Variants in DPP8 observed in about 807,000 individuals in gnomAD.
DPP8 encodes DPP VIII.
A neutral mutation model predicts 107.5 loss-of-function variants in DPP8; 31 were observed. The observed-to-expected ratio is 0.29, with a 90% CI of 0.22 to 0.39. DPP8 has a LOEUF of 0.39. DPP8 is among the 10% of genes least tolerant of loss of function. The probability of loss-of-function intolerance (pLI) is 1.00; values close to 1 mark genes in which losing one functional copy is unlikely to be tolerated. For missense variants in DPP8, 842 were observed against 1,076.1 expected, an observed-to-expected ratio of 0.78 and a Z score of 3.04; for synonymous variants, 381 against 356.6, an observed-to-expected ratio of 1.07 and a Z score of -0.77.
intron 16 of DPP8, 102 bp downstream of exon 16, chr15:65,456,123 T>C (rs1209024907): frequency 3.7e-6 from 5 of 1,345,740 alleles, no homozygotes; most frequent in East Asian, 2.3e-5. Flanking sequence ...CACTCACTCA[T>C]TCATAGCCCC....
chr15:65,452,169 A>G, intron 17 of DPP8, 67 bp from the exon 18 acceptor site: 1 of 1,517,876 alleles, frequency 6.6e-7, no homozygotes, highest in Non-Finnish European at 8.9e-7. Context: ...GTGAGATCTT[A>G]CAACTGCAAA....
At chr15:65,500,552 A>G (rs2069109823) in intron 4 of DPP8, 54 bp downstream of exon 4, 3 of 1,435,424 alleles carry the variant, frequency 2.1e-6, no homozygotes. Context: ...TGCTTTGGGT[A>G]CAAATAACCT....
intron 16 of DPP8, among the ~76,000 whole-genome samples, chr15:65,454,873 C>T (rs2064278865): frequency 6.6e-6 from 1 of 152,056 alleles, no homozygotes; most frequent in South Asian, 2.1e-4. Context: ...GATTCTGTTG[C>T]CCCCTCTCCC....
At chr15:65,470,195 CAAAAAAAAAAAAA>C (rs11310623) in intron 12 of DPP8, among the ~76,000 whole-genome samples, 2 of 58,500 alleles carry the variant, frequency 3.4e-5, no homozygotes, top group East Asian at 5.1e-4. Flanking sequence ...ACTCTTGTCT[CAAAAAAAAAAAAA>C]AAAAAAAAAA....
At chr15:65,474,664 G>T (rs573395155) in intron 11 of DPP8, among the ~76,000 whole-genome samples, 86 of 152,294 alleles carry the variant, frequency 5.6e-4, no homozygotes, top group African/African-American at 1.9e-3. Context: ...TAGCAATGAG[G>T]TCTCACTATA....
chr15:65,515,599 G>A, intron 1 of DPP8: 7 of 1,458,154 alleles, frequency 4.8e-6, no homozygotes, highest in East Asian at 2.3e-5. Context: ...TCAGCACAGT[G>A]CATATATTTC....
chr15:65,495,092 C>G (rs2068448341), intron 5 of DPP8, among the ~76,000 whole-genome samples: 1 of 152,170 alleles, frequency 6.6e-6, no homozygotes, highest in African/African-American at 2.4e-5. Context: ...ATCTGCCAAT[C>G]TTTTGCTACT....
At chr15:65,479,734 C>T (rs1174379538) in intron 10 of DPP8, among the ~76,000 whole-genome samples, 1 of 151,176 alleles carries the variant, frequency 6.6e-6, no homozygotes, top group East Asian at 1.9e-4. Flanking sequence ...GTCCCAGCTA[C>T]TCGGGAGGCT....
Position 65,447,018 on chromosome 15 carries a change from CA to C in DPP8, c.2527-13del. 6.8e-7 allele frequency: 1 copy of C among 1,463,002 alleles called. No homozygotes were observed. The highest frequency in any genetic ancestry group is 1.4e-5 in the South Asian group (1 of 69,476). 90.6% of individuals were successfully genotyped at this position (1,463,002 alleles called of 1,614,324 possible). On this transcript the variant is annotated splice_polypyrimidine_tract_variant and intron_variant, in intron 19 of 19. Transcript: ENST00000300141. ...TCCTGAGGATAGATCTTACCAACAA[CA>C]AAAAATAAAGATACAAAAAAAAAAA...
rs1419356437 is a variant in DPP8, at chr15:65,448,876, A to G, written c.2527-1870T>C. ...ACATATATATCTAAAATATATATAT[A>G]TATATATATATATATATATATATAT... On this transcript the variant is annotated intron_variant, in intron 19 of 19. Coordinates refer to ENST00000300141, the MANE Select transcript of DPP8 (RefSeq NM_130434.5). Among the ~76,000 whole-genome samples the G allele has an allele frequency of 3.2e-3, 97 of 30,478 alleles. 1 individual carries two copies. Among genetic ancestry groups the G allele is most frequent in the South Asian group, 0.012 (17 of 1,434 alleles). The allele number at this position is 30,478 out of a possible 152,430, so 20.0% of individuals were successfully genotyped here. A position where few individuals can be genotyped will look rare whatever the true frequency, so the allele number is the denominator to read the frequency against.
chr15:65,459,831 TG>T, intron 15 of DPP8, among the ~76,000 whole-genome samples: 1 of 152,098 alleles, frequency 6.6e-6, no homozygotes, highest in Non-Finnish European at 1.5e-5. Context: ...GCTGCGCACC[TG>T]TAGTCCCAAC....
chr15:65,453,297 G>A (rs1347996041), intron 17 of DPP8, among the ~76,000 whole-genome samples: 1 of 152,112 alleles, frequency 6.6e-6, no homozygotes, highest in East Asian at 1.9e-4. Context: ...AAGTAATTAC[G>A]ATCCATCAGG....
At chr15:65,457,081 G>A (rs912695288) in intron 15 of DPP8, among the ~76,000 whole-genome samples, 7 of 152,184 alleles carry the variant, frequency 4.6e-5, no homozygotes, top group Admixed American at 2.6e-4. Flanking sequence ...TGGGCTGAGC[G>A]TGGTGGTTCA....
At chr15:65,471,009 C>G (rs991740921) in intron 12 of DPP8, among the ~76,000 whole-genome samples, 1 of 151,146 alleles carries the variant, frequency 6.6e-6, no homozygotes, top group East Asian at 1.9e-4. Context: ...AACTGATAAA[C>G]GTAGTGGCAA....
intron 16 of DPP8, among the ~76,000 whole-genome samples, chr15:65,454,754 A>C (rs1436073547): frequency 6.6e-6 from 1 of 152,144 alleles, no homozygotes; most frequent in African/African-American, 2.4e-5. Flanking sequence ...CGAACTCCTG[A>C]CCTCAAGTGA....
Position 65,500,750 on chromosome 15 carries a change from T to G in DPP8, c.402A>C (p.Arg134=). The G allele has an allele frequency of 6.2e-7, 1 of 1,614,062 alleles. No individual in the cohort carries two copies. Among genetic ancestry groups the G allele is most frequent in the Non-Finnish European group, 8.5e-7 (1 of 1,179,960 alleles). ...TTCTTTCTCTTAATAGTTCTTCTTCTCGAGAATACATTCCATAGTCCAGTG... is the reference window on the plus strand; with the variant it reads ...TTCTTTCTCTTAATAGTTCTTCTTCGCGAGAATACATTCCATAGTCCAGTG... ...QATLDYGMYS[R]EEELLRERKR... The change falls in exon 4 of 20, where the codon CGA becomes CGC. Residue 134 remains arginine, a synonymous_variant. Coordinates refer to ENST00000300141, the MANE Select transcript of DPP8 (RefSeq NM_130434.5).
chr15:65,515,956 T>G (rs570266621), intron 1 of DPP8: 1 of 477,786 alleles, frequency 2.1e-6, no homozygotes, highest in Non-Finnish European at 3.6e-6. Flanking sequence ...TTTTATGTTA[T>G]CAGAATTCAA....
In DPP8 at chr15:65,500,826, C is replaced by A. The variant is rs199943145; in HGVS notation, c.373-47G>T. 362 of 1,339,312 alleles carry A rather than the reference C, an allele frequency of 2.7e-4. 2 individuals carry two copies. In the East Asian group the frequency reaches 7.6e-3, roughly 28 times the overall value. 83.0% of individuals were successfully genotyped at this position (1,339,312 alleles called of 1,614,324 possible). ...CTATTCCAGTCTTCTGAAAAACCAT[C>A]TTTTGCTTTTAGCACTGAAATCCTA... On this transcript the variant is annotated intron_variant, in intron 3 of 19. Coordinates refer to ENST00000300141, the MANE Select transcript of DPP8 (RefSeq NM_130434.5).
chr15:65,513,315 G>A (rs1025459079), intron 1 of DPP8, among the ~76,000 whole-genome samples: 1 of 151,926 alleles, frequency 6.6e-6, no homozygotes, highest in Admixed American at 6.6e-5. Flanking sequence ...CCAGGTTCAC[G>A]CCATTCTCTG....
Sources: gnomAD v4.1 joint callset for allele counts (sites outside exome capture counted in the v4.1 genomes callset) on GRCh38, gnomAD v4.1.1 for gene constraint, MANE v1.5 for transcripts, NCBI Gene and HGNC (gene_info 2026-07-23, HGNC 2026-07-21) for gene names.